The following STAG1 variants were observed in gnomAD, a reference collection of about 807,000 sequenced individuals.
The protein encoded by STAG1 is STAG1 cohesin complex component.
Under a neutral mutation model 170.9 loss-of-function variants are expected in STAG1, and 26 were observed. The ratio of observed to expected loss-of-function variants is 0.15; its 90% CI spans 0.11 to 0.21. The LOEUF is 0.21. Among genes scored for constraint, STAG1 ranks in the 10% least tolerant of loss-of-function variants. STAG1 has a pLI of 1.00. For synonymous variants in STAG1, 514 were observed against 497.7 expected, an observed-to-expected ratio of 1.03 and a Z score of -0.44; for missense variants, 964 against 1,509.5, an observed-to-expected ratio of 0.64 and a Z score of 5.99.
chr3:136,696,442 G>GTA (rs1942893816), intron 1 of STAG1, among the ~76,000 whole-genome samples: 2 of 152,264 alleles, frequency 1.3e-5, no homozygotes, highest in South Asian at 4.2e-4. Context: ...AGACAACAGT[G>GTA]TATGATTCTA....
intron 6 of STAG1, among the ~76,000 whole-genome samples, chr3:136,527,363 CCT>C (rs1376113065): frequency 6.6e-6 from 1 of 152,118 alleles, no homozygotes; most frequent in Non-Finnish European, 1.5e-5. Context: ...TCACCGATAC[CCT>C]TTCTTCCAGT....
intron 7 of STAG1, among the ~76,000 whole-genome samples, chr3:136,509,711 A>C (rs1275326021): frequency 6.6e-6 from 1 of 152,252 alleles, no homozygotes; most frequent in African/African-American, 2.4e-5. Context: ...CTGGAACAAA[A>C]GGAGAGTTCA....
intron 5 of STAG1, among the ~76,000 whole-genome samples, chr3:136,562,866 G>C (rs1327484891): frequency 3.3e-5 from 5 of 152,208 alleles, no homozygotes; most frequent in Admixed American, 2.0e-4. Flanking sequence ...GGGATTACAG[G>C]TGTGAGTCAC....
intron 21 of STAG1, among the ~76,000 whole-genome samples, chr3:136,414,027 A>G (rs924404243): frequency 6.6e-6 from 1 of 152,242 alleles, no homozygotes; most frequent in Non-Finnish European, 1.5e-5. Flanking sequence ...CTTTATTGCT[A>G]GAAAATGCTA....
At chr3:136,707,210 C>A (rs1943252242) in intron 1 of STAG1, among the ~76,000 whole-genome samples, 1 of 152,116 alleles carries the variant, frequency 6.6e-6, no homozygotes, top group Non-Finnish European at 1.5e-5. Flanking sequence ...ATAAACTGGA[C>A]CTTGTCAAAC....
intron 6 of STAG1, among the ~76,000 whole-genome samples, chr3:136,527,442 A>G (rs1486992850): frequency 6.6e-6 from 1 of 152,142 alleles, no homozygotes; most frequent in African/African-American, 2.4e-5. Context: ...TTTCAGCTCC[A>G]TCACACCATT....
intron 13 of STAG1, among the ~76,000 whole-genome samples, chr3:136,459,238 A>C (rs1387883534): frequency 6.6e-6 from 1 of 151,196 alleles, no homozygotes; most frequent in African/African-American, 2.4e-5. Flanking sequence ...AAAAAAAAAG[A>C]AAAGAAAAGA....
intron 7 of STAG1, among the ~76,000 whole-genome samples, chr3:136,513,140 G>C (rs980258623): frequency 1.3e-5 from 2 of 152,066 alleles, no homozygotes; most frequent in African/African-American, 4.8e-5. Flanking sequence ...CAGATCACCT[G>C]AGGTCAGGAG....
chr3:136,591,292 T>G (rs1452514434), intron 4 of STAG1, among the ~76,000 whole-genome samples: 577 of 78,190 alleles, frequency 7.4e-3, no homozygotes, highest in African/African-American at 8.8e-3. Context: ...GGCGGGAAGG[T>G]GGGAAGGCAG....
At chr3:136,374,174 T>G (rs543693214) in intron 23 of STAG1, among the ~76,000 whole-genome samples, 2 of 152,174 alleles carry the variant, frequency 1.3e-5, no homozygotes, top group Non-Finnish European at 2.9e-5. Context: ...CCCTGCCTTT[T>G]TTTGTTTTCC....
At chr3:136,614,401 G>A (rs1414026599) in intron 3 of STAG1, among the ~76,000 whole-genome samples, 1 of 152,116 alleles carries the variant, frequency 6.6e-6, no homozygotes, top group Non-Finnish European at 1.5e-5. Context: ...GTTCATTACT[G>A]CAGGTAATTC....
chr3:136,530,060 A>C (rs973663018), intron 6 of STAG1, among the ~76,000 whole-genome samples: 2 of 152,214 alleles, frequency 1.3e-5, no homozygotes, highest in Admixed American at 6.5e-5. Flanking sequence ...CCACACAAAT[A>C]GAAATGAAAA....
In STAG1 at chr3:136,422,631, G is replaced by A; in HGVS notation, c.1834-18C>T. 6.3e-7 allele frequency: 1 copy of A among 1,597,848 alleles called. No individual in the cohort carries two copies. Among genetic ancestry groups the A allele is most frequent in the South Asian group, 1.1e-5 (1 of 87,166 alleles). Reference sequence around the variant, plus strand: ...TCCAGATGCTGAGGAGACAAAAAAAGAAAAACTGTAATATTTAGGTTAACA... The same window carrying A: ...TCCAGATGCTGAGGAGACAAAAAAAAAAAAACTGTAATATTTAGGTTAACA... On this transcript the variant is annotated intron_variant, in intron 18 of 33. Transcript: ENST00000383202.
chr3:136,709,619 C>T (rs774136064), intron 1 of STAG1, among the ~76,000 whole-genome samples: 4 of 151,780 alleles, frequency 2.6e-5, no homozygotes, highest in East Asian at 1.9e-4. Flanking sequence ...CCCGTTGTCC[C>T]GGCTACTAGG....
At chr3:136,428,323 C>A (rs1269201375) in intron 16 of STAG1, among the ~76,000 whole-genome samples, 1 of 152,070 alleles carries the variant, frequency 6.6e-6, no homozygotes, top group Non-Finnish European at 1.5e-5. Context: ...CAACAAGGAC[C>A]CCTTTTCTGG....
At chr3:136,525,017 T>C (rs1025895976) in intron 6 of STAG1, among the ~76,000 whole-genome samples, 1 of 152,210 alleles carries the variant, frequency 6.6e-6, no homozygotes, top group Non-Finnish European at 1.5e-5. Context: ...TTGAGGACTT[T>C]TGCATCGATG....
At chr3:136,443,137 C>A (rs763265688) in intron 15 of STAG1, 150 bp downstream of exon 15, 4 of 501,350 alleles carry the variant, frequency 8.0e-6, no homozygotes, top group Non-Finnish European at 1.4e-5. Context: ...ATTGACACAT[C>A]CTTACTTGTT....
At chr3:136,474,368 A>G (rs1442448036) in intron 10 of STAG1, among the ~76,000 whole-genome samples, 1 of 152,210 alleles carries the variant, frequency 6.6e-6, no homozygotes, top group Non-Finnish European at 1.5e-5. Context: ...CCAATTCTAT[A>G]TAATTTATTA....
intron 1 of STAG1, among the ~76,000 whole-genome samples, chr3:136,744,057 G>A (rs904601112): frequency 1.3e-5 from 2 of 152,204 alleles, no homozygotes; most frequent in Non-Finnish European, 2.9e-5. Context: ...GGCTGGCCAC[G>A]TGGCTCACGC....
Sources: allele counts gnomAD v4.1 joint callset (sites outside exome capture counted in the v4.1 genomes callset), GRCh38; gene constraint gnomAD v4.1.1; transcripts MANE v1.5; gene names NCBI Gene and HGNC (gene_info 2026-07-23, HGNC 2026-07-21).